The following KLC1 variants were observed in gnomAD, a reference collection of about 807,000 sequenced individuals.
KLC1 encodes the protein kinesin light chain 1, also known as kinesin 2 60/70kDa.
Under a neutral mutation model 84.2 loss-of-function variants are expected in KLC1, and 30 were observed. The observed-to-expected ratio is 0.36, with a 90% confidence interval of 0.27 to 0.48. KLC1 has a LOEUF of 0.48. Among genes scored for constraint, KLC1 ranks in the 20% least tolerant of loss-of-function variants. The pLI, the probability that KLC1 is intolerant of heterozygous loss-of-function variation, is 0.99. For missense variants in KLC1, 499 were observed against 805.4 expected (o/e 0.62, Z 4.60); for synonymous variants, 289 against 293.3 (o/e 0.99, Z 0.15).
chr14:103,696,773 A>C (rs2082559977), intron 15 of KLC1: 1 of 985,378 alleles, frequency 1.0e-6, no homozygotes, highest in Admixed American at 6.1e-5. Flanking sequence ...TGAGGCAATG[A>C]GGGTCAGGGC....
intron 1 of KLC1, among the ~76,000 whole-genome samples, chr14:103,630,579 C>T (rs1380535812): frequency 1.3e-5 from 2 of 151,990 alleles, no homozygotes; most frequent in Admixed American, 1.3e-4. Context: ...AGAATCAGCT[C>T]GGAATACATT....
Position 103,670,278 on chromosome 14 carries a change from G to A in KLC1, c.982G>A (p.Glu328Lys). Residue 328 changes from glutamate to lysine, a missense_variant, in exon 7 of 17, where the codon GAA (glutamate) becomes AAA (lysine). Around this residue, in one of 3 missense-constraint regions of KLC1, gnomAD observed 153 missense variants for 332.4 expected, o/e 0.46. Transcript: ENST00000334553. ...PLCKRALEIR[E>K]KVLGKDHPDV... is the part of the protein sequence containing the mutation. The stretch of plus-strand genomic sequence containing the variant: ...GTGTAAAAGAGCTCTGGAAATCCGA[G>A]AAAAGGTACAAAAGAAGGGGGCAGT... The A allele has an allele frequency of 6.2e-7, 1 of 1,606,328 alleles. No homozygotes were observed.
intron 5 of KLC1, among the ~76,000 whole-genome samples, chr14:103,667,678 A>G (rs1222580077): frequency 2.0e-5 from 3 of 152,216 alleles, no homozygotes; most frequent in Non-Finnish European, 4.4e-5. Context: ...GACTTTCACA[A>G]AAAGTTTGAG....
In KLC1 at chr14:103,668,106, G is replaced by T. The variant is rs534522085; in HGVS notation, c.798-1405G>T. Among the ~76,000 whole-genome samples the T allele has an allele frequency of 4.6e-5, 7 of 152,314 alleles. No individual in the cohort carries two copies. In the South Asian group the frequency reaches 6.2e-4, roughly 14 times the overall value. ...GTAGCATATCATCTTCTTACAGCAA[G>T]ACTGTGCAATAGATCATATACTTGC... is the stretch of plus-strand genomic sequence containing the variant. On this transcript the variant is annotated intron_variant, in intron 5 of 16. Transcript: ENST00000334553.
Position 103,645,292 on chromosome 14 carries a change from C to T in KLC1, c.-1-9272C>T, listed in dbSNP as rs556345171. 9.5e-4 allele frequency among the ~76,000 whole-genome samples: 144 copies of T among 152,190 alleles called. 1 individual carries two copies. Among genetic ancestry groups the T allele is most frequent in the African/African-American group, 2.9e-3 (121 of 41,516 alleles). On this transcript the variant is annotated intron_variant, in intron 1 of 16. Coordinates refer to ENST00000334553, the MANE Select transcript of KLC1 (RefSeq NM_001394837.1). ...CTGGCCTGGGGCTGGCCAGATTTCTCGGGAAAATTTGCCTGTCTTTTTTTT... is the reference window on the plus strand; with the variant it reads ...CTGGCCTGGGGCTGGCCAGATTTCTTGGGAAAATTTGCCTGTCTTTTTTTT...
chr14:103,671,012 C>T (rs1226576592), intron 7 of KLC1, among the ~76,000 whole-genome samples: 2 of 152,010 alleles, frequency 1.3e-5, no homozygotes, highest in Admixed American at 1.3e-4. Context: ...CCTGATATGG[C>T]CTAGAAGTGA....
intron 1 of KLC1, among the ~76,000 whole-genome samples, chr14:103,641,564 AGT>A (rs760006579): frequency 1.1e-4 from 16 of 152,138 alleles, no homozygotes; most frequent in Non-Finnish European, 1.6e-4. Flanking sequence ...TGGTGAAAAG[AGT>A]GTGAGAGAGT....
Position 103,630,301 on chromosome 14 carries a change from T to C in KLC1, c.-2+807T>C, listed in dbSNP as rs528025899. On this transcript the variant is annotated intron_variant, in intron 1 of 16. Transcript: ENST00000334553. Reference sequence around the variant, plus strand: ...TGATGGAGTGGATGGTTTTATAACTTAACATTTGTAGGTCATTTCTAGGTA... The same window carrying C: ...TGATGGAGTGGATGGTTTTATAACTCAACATTTGTAGGTCATTTCTAGGTA... Among the ~76,000 whole-genome samples the C allele has an allele frequency of 1.2e-3, 179 of 152,372 alleles. 1 individual carries two copies. The highest frequency in any genetic ancestry group is 8.3e-4 in the South Asian group (4 of 4,830).
chr14:103,698,528 C>T, intron 15 of KLC1: 2 of 518,016 alleles, frequency 3.9e-6, no homozygotes, highest in Non-Finnish European at 7.0e-6. Flanking sequence ...AGAATCACCT[C>T]TCCCCAAGGG....
In KLC1 at chr14:103,692,399, G is replaced by T. The variant is rs77481241; in HGVS notation, c.1822G>T (p.Gly608Cys). The stretch of plus-strand genomic sequence containing the variant: ...CTCTCTGAATGTCCTTAACGTGGGT[G>T]GCAAGGCTGCTGAAGATCGCTTTCA... ...ASSLNVLNVG[G>C]KAAEDRFQGV... is the part of the protein sequence containing the mutation. Residue 608 changes from glycine (G) to cysteine (C), a missense_variant, in exon 15 of 17, where the codon GGC becomes TGC. Gly to Cys is a radical substitution (Grantham distance 159). Around this residue, in one of 3 missense-constraint regions of KLC1, gnomAD observed 167 missense variants for 208.8 expected, o/e 0.80. Transcript: ENST00000334553. 7.1e-4 allele frequency: 1,089 copies of T among 1,536,656 alleles called. 11 individuals carry two copies. The East Asian group carries it at 0.018, about 25-fold the overall frequency.
chr14:103,684,850 G>A (rs1218250709), intron 13 of KLC1: 2 of 661,320 alleles, frequency 3.0e-6, no homozygotes, highest in Non-Finnish European at 5.7e-6. Context: ...GAAATGAACA[G>A]CAGGGGCTGC....
intron 12 of KLC1, among the ~76,000 whole-genome samples, chr14:103,678,177 C>G (rs571875188): frequency 6.6e-6 from 1 of 152,146 alleles, no homozygotes; most frequent in Admixed American, 6.6e-5. Flanking sequence ...GCAGGAGAGT[C>G]GCTTGAACTC....
chr14:103,674,539 C>T (rs1256341274), intron 9 of KLC1, among the ~76,000 whole-genome samples: 1 of 151,868 alleles, frequency 6.6e-6, no homozygotes, highest in Non-Finnish European at 1.5e-5. Flanking sequence ...CTCAGCCTCC[C>T]GAGTAGCTGG....
chr14:103,649,185 TC>T (rs919516547), intron 1 of KLC1, among the ~76,000 whole-genome samples: 3 of 151,674 alleles, frequency 2.0e-5, no homozygotes, highest in African/African-American at 7.3e-5. Flanking sequence ...TACTCCTAGC[TC>T]CTTGGGAGAC....
intron 5 of KLC1, among the ~76,000 whole-genome samples, chr14:103,668,024 C>T (rs1462213896): frequency 1.3e-5 from 2 of 152,214 alleles, no homozygotes; most frequent in East Asian, 3.8e-4. Flanking sequence ...CAAGTTCAGA[C>T]ACAACAATAT....
At chr14:103,685,540 T>C in intron 13 of KLC1, 1 of 1,288,014 alleles carries the variant, frequency 7.8e-7, no homozygotes, top group South Asian at 1.2e-5. Flanking sequence ...CTGAGACTTG[T>C]GACCTAGAAA....
At chr14:103,642,035 A>C (rs2077531813) in intron 1 of KLC1, among the ~76,000 whole-genome samples, 2 of 152,072 alleles carry the variant, frequency 1.3e-5, no homozygotes, top group African/African-American at 4.8e-5. Context: ...GGTTCAAGCT[A>C]TTCTCCTGCC....
chr14:103,644,384 G>A (rs2077736709), intron 1 of KLC1, among the ~76,000 whole-genome samples: 1 of 151,340 alleles, frequency 6.6e-6, no homozygotes, highest in African/African-American at 2.4e-5. Flanking sequence ...TCAGCTTCCC[G>A]AGTAGCTGGG....
intron 1 of KLC1, among the ~76,000 whole-genome samples, chr14:103,634,282 C>T (rs2076894012): frequency 6.6e-6 from 1 of 151,978 alleles, no homozygotes; most frequent in Non-Finnish European, 1.5e-5. Context: ...CGGTGCTTGG[C>T]GTGTAATAGG....
Sources: allele counts gnomAD v4.1 joint callset (sites outside exome capture counted in the v4.1 genomes callset), GRCh38; gene constraint gnomAD v4.1.1; regional missense constraint gnomAD v4.1.1; transcripts MANE v1.5; gene names NCBI Gene and HGNC (gene_info 2026-07-23, HGNC 2026-07-21).